The following FYB1 variants were observed in gnomAD, a reference collection of about 807,000 sequenced individuals.
The protein encoded by FYB1 is FYN binding protein 1.
FYB1 carries 41 observed loss-of-function variants against 94.1 expected under a neutral mutation model. That is an observed-to-expected ratio of 0.44 (90% CI 0.34 to 0.57). FYB1 has a LOEUF of 0.57. Ranked by LOEUF, FYB1 falls within the 20% of genes least tolerant of loss-of-function variation. FYB1 has a pLI of 0.02. For synonymous variants in FYB1, 367 were observed against 353.2 expected (o/e 1.04, Z -0.44); for missense variants, 1,050 against 976.8 (o/e 1.07, Z -1.00).
intron 1 of FYB1, among the ~76,000 whole-genome samples, chr5:39,256,408 G>A (rs753813716): frequency 1.3e-5 from 2 of 152,148 alleles, no homozygotes; most frequent in African/African-American, 2.4e-5. Flanking sequence ...GAATATTGAA[G>A]AGTCAAGGAG....
intron 1 of FYB1, among the ~76,000 whole-genome samples, chr5:39,225,213 C>T (rs1750419706): frequency 6.6e-6 from 1 of 151,982 alleles, no homozygotes; most frequent in African/African-American, 2.4e-5. Context: ...TATTAATGAA[C>T]CCATATATAT....
chr5:39,207,288 CACAA>C (rs1438296237), intron 1 of FYB1, among the ~76,000 whole-genome samples: 8 of 152,160 alleles, frequency 5.3e-5, no homozygotes, highest in Non-Finnish European at 1.2e-4. Context: ...AAACATTGCT[CACAA>C]ACACAGATTT....
chr5:39,127,725 C>A lies in FYB1; in HGVS notation c.1907+16G>T. On this transcript the variant is annotated intron_variant, in intron 11 of 18. Transcript: ENST00000512982. Reference sequence around the variant, plus strand: ...ATATAATAATTTGCAAAAAGCAGTTCACTGATTATTCTTACCCATCATCAG... The same window carrying A: ...ATATAATAATTTGCAAAAAGCAGTTAACTGATTATTCTTACCCATCATCAG... 1.9e-6 allele frequency: 3 copies of A among 1,584,154 alleles called. No individual in the cohort carries two copies. Among genetic ancestry groups the A allele is most frequent in the East Asian group, 2.3e-5 (1 of 43,680 alleles).
intron 1 of FYB1, among the ~76,000 whole-genome samples, chr5:39,253,268 T>G (rs1751802075): frequency 6.6e-6 from 1 of 152,190 alleles, no homozygotes; most frequent in African/African-American, 2.4e-5. Context: ...AGTAGATATA[T>G]TAAAGATAAC....
intron 3 of FYB1, among the ~76,000 whole-genome samples, chr5:39,146,889 A>C (rs1205534379): frequency 3.3e-5 from 5 of 152,228 alleles, no homozygotes; most frequent in Non-Finnish European, 7.3e-5. Context: ...ATGGTGAAGA[A>C]TAAAAGGAAA....
chr5:39,181,227 G>A (rs1746195245), intron 2 of FYB1, among the ~76,000 whole-genome samples: 1 of 152,186 alleles, frequency 6.6e-6, no homozygotes, highest in South Asian at 2.1e-4. Flanking sequence ...TTATATCAGT[G>A]CTGTCCAAAA....
intron 2 of FYB1, among the ~76,000 whole-genome samples, chr5:39,192,551 T>C (rs1406428503): frequency 2.0e-5 from 3 of 152,232 alleles, no homozygotes; most frequent in Non-Finnish European, 2.9e-5. Flanking sequence ...TAAACATATA[T>C]CAGTTTTATC....
At chr5:39,204,441 T>C (rs1579669634) in intron 1 of FYB1, among the ~76,000 whole-genome samples, 1 of 152,170 alleles carries the variant, frequency 6.6e-6, no homozygotes, top group East Asian at 1.9e-4. Context: ...AACATGGAAT[T>C]TGTAAAATGC....
chr5:39,214,872 T>C (rs1305295715), intron 1 of FYB1, among the ~76,000 whole-genome samples: 1 of 152,122 alleles, frequency 6.6e-6, no homozygotes, highest in Non-Finnish European at 1.5e-5. Context: ...GAGGTTGCAG[T>C]GAGCCAAGAT....
chr5:39,194,544 GA>G (rs1410708239), intron 2 of FYB1, among the ~76,000 whole-genome samples: 1 of 151,274 alleles, frequency 6.6e-6, no homozygotes, highest in Non-Finnish European at 1.5e-5. Context: ...AAGAAAGACA[GA>G]AAAAGGAAGG....
intron 7 of FYB1, 24 bp downstream of exon 7, chr5:39,137,576 A>G: frequency 6.5e-7 from 1 of 1,530,782 alleles, no homozygotes; most frequent in Non-Finnish European, 8.8e-7. Context: ...TTATTCTTTC[A>G]CTCATTAGCA....
chr5:39,124,200 C>A (rs1740405176), intron 13 of FYB1, 53 bp downstream of exon 13: 6 of 1,269,160 alleles, frequency 4.7e-6, no homozygotes, highest in Non-Finnish European at 5.5e-6. Flanking sequence ...TTTCCCACTA[C>A]CACACTGCAA....
intron 1 of FYB1, among the ~76,000 whole-genome samples, chr5:39,268,899 A>T (rs2111749091): frequency 6.6e-6 from 1 of 152,198 alleles, no homozygotes; most frequent in African/African-American, 2.4e-5. Flanking sequence ...AATAATCTTT[A>T]AAAACATCGT....
At chr5:39,123,311 C>A (rs7716103) in intron 13 of FYB1, among the ~76,000 whole-genome samples, 9,804 of 152,096 alleles carry the variant, frequency 0.064, 1,074 homozygotes, top group African/African-American at 0.23. Context: ...TGCTCAGCTG[C>A]GTGAAAAATA....
At chr5:39,164,939 A>G (rs1024003287) in intron 2 of FYB1, among the ~76,000 whole-genome samples, 1 of 152,230 alleles carries the variant, frequency 6.6e-6, no homozygotes, top group Admixed American at 6.5e-5. Context: ...CAAAGAAGGC[A>G]GAGCTTCCCT....
In FYB1 at chr5:39,238,280, C is replaced by T. The variant is rs550680933; in HGVS notation, c.-27-35293G>A. On this transcript the variant is annotated intron_variant, in intron 1 of 1. Transcript: ENST00000510188. The stretch of plus-strand genomic sequence containing the variant: ...ATATATCTGTGTGTGTGTGTATGTA[C>T]GTGTATGTGCATAAAATTCCTGTGA... Among the ~76,000 whole-genome samples the T allele has an allele frequency of 8.9e-4, 135 of 151,650 alleles. 1 individual carries two copies. Among genetic ancestry groups the T allele is most frequent in the African/African-American group, 3.0e-3 (125 of 41,364 alleles).
chr5:39,196,825 C>G (rs1209584412), intron 2 of FYB1, among the ~76,000 whole-genome samples: 1 of 152,178 alleles, frequency 6.6e-6, no homozygotes, highest in Non-Finnish European at 1.5e-5. Flanking sequence ...TTGACCCCAG[C>G]CTTGTTTAGT....
intron 16 of FYB1, among the ~76,000 whole-genome samples, chr5:39,115,963 A>G (rs1192458240): frequency 6.6e-6 from 1 of 152,180 alleles, no homozygotes; most frequent in African/African-American, 2.4e-5. Flanking sequence ...GAACTCTGTC[A>G]GCTTGCTGAA....
intron 1 of FYB1, among the ~76,000 whole-genome samples, chr5:39,257,734 G>T (rs1752018896): frequency 6.6e-6 from 1 of 151,714 alleles, no homozygotes; most frequent in Non-Finnish European, 1.5e-5. Context: ...CATAAGTGAT[G>T]ATCAGAATGG....
Sources: gnomAD v4.1 joint callset for allele counts (sites outside exome capture counted in the v4.1 genomes callset) on GRCh38, gnomAD v4.1.1 for gene constraint, MANE v1.5 for transcripts, NCBI Gene and HGNC (gene_info 2026-07-23, HGNC 2026-07-21) for gene names.